Variants in ROBO2 observed in about 807,000 individuals in gnomAD.
ROBO2 encodes roundabout guidance receptor 2.
Under a neutral mutation model 160.8 loss-of-function variants are expected in ROBO2, and 53 were observed. The ratio of observed to expected loss-of-function variants is 0.33; its 90% confidence interval spans 0.26 to 0.41. The LOEUF (loss-of-function observed/expected upper bound fraction) is 0.41. Ranked by LOEUF, ROBO2 falls within the 10% of genes least tolerant of loss-of-function variation. The probability of loss-of-function intolerance (pLI) is 1.00; values close to 1 mark genes in which losing one functional copy is unlikely to be tolerated. For synonymous variants in ROBO2, 664 were observed against 611.7 expected, an observed-to-expected ratio of 1.09 and a Z score of -1.26; for missense variants, 1,577 against 1,722.4, an observed-to-expected ratio of 0.92 and a Z score of 1.49.
chr3:75,950,528 A>G (rs532713978), intron 2 of ROBO2, among the ~76,000 whole-genome samples: 1 of 152,226 alleles, frequency 6.6e-6, no homozygotes, highest in East Asian at 1.9e-4. Context: ...GACCCACTCC[A>G]TTATATAGAA....
chr3:76,605,028 T>C (rs1341851169), intron 2 of ROBO2, among the ~76,000 whole-genome samples: 1 of 152,166 alleles, frequency 6.6e-6, no homozygotes, highest in African/African-American at 2.4e-5. Context: ...TGTAATTTCA[T>C]GTATATATTA....
intron 2 of ROBO2, among the ~76,000 whole-genome samples, chr3:76,830,528 A>G (rs2066990518): frequency 6.6e-6 from 1 of 152,092 alleles, no homozygotes; most frequent in Non-Finnish European, 1.5e-5. Flanking sequence ...AAACTATATT[A>G]TTTTTAGTGT....
At chr3:77,123,059 T>G (rs2150283837) in intron 2 of ROBO2, among the ~76,000 whole-genome samples, 1 of 152,256 alleles carries the variant, frequency 6.6e-6, no homozygotes, top group South Asian at 2.1e-4. Flanking sequence ...AAAGACAAGT[T>G]TAGGATCTGA....
At chr3:76,126,869 T>C (rs542654351) in intron 2 of ROBO2, among the ~76,000 whole-genome samples, 1 of 152,144 alleles carries the variant, frequency 6.6e-6, no homozygotes, top group Non-Finnish European at 1.5e-5. Context: ...AGCATATTAA[T>C]TTCTATTAAT....
At chr3:76,130,389 T>A (rs193078897) in intron 2 of ROBO2, among the ~76,000 whole-genome samples, 1 of 152,102 alleles carries the variant, frequency 6.6e-6, no homozygotes, top group Non-Finnish European at 1.5e-5. Flanking sequence ...AAAAGGAAAA[T>A]ATTTCTCCAT....
chr3:76,504,317 C>G (rs1014524960), intron 2 of ROBO2, among the ~76,000 whole-genome samples: 3 of 152,076 alleles, frequency 2.0e-5, no homozygotes, highest in Non-Finnish European at 4.4e-5. Flanking sequence ...AAAAGCCATA[C>G]GTTTGTTTAG....
At chr3:77,635,006 A>G in exon 24 of ROBO2, 3 of 1,614,108 alleles carry the variant, frequency 1.9e-6, no homozygotes, top group African/African-American at 1.3e-5. Flanking sequence ...TGGACCAACA[A>G]CCAGCATTGC....
At chr3:76,038,475 G>A (rs1345690458) in intron 2 of ROBO2, among the ~76,000 whole-genome samples, 1 of 151,900 alleles carries the variant, frequency 6.6e-6, no homozygotes, top group Non-Finnish European at 1.5e-5. Context: ...CCTCTTAAGG[G>A]TGGCCTCAAC....
intron 2 of ROBO2, among the ~76,000 whole-genome samples, chr3:76,428,507 AAGG>A (rs1035054747): frequency 1.3e-5 from 2 of 151,238 alleles, no homozygotes; most frequent in African/African-American, 4.9e-5. Context: ...TCACTGATAA[AAGG>A]AGAGAAAAAA....
intron 2 of ROBO2, among the ~76,000 whole-genome samples, chr3:76,122,662 A>G (rs1018687599): frequency 6.6e-6 from 1 of 152,116 alleles, no homozygotes; most frequent in Non-Finnish European, 1.5e-5. Context: ...TAAGTCTTCT[A>G]AGTCCTTACT....
chr3:76,176,503 A>T (rs896590325), intron 2 of ROBO2, among the ~76,000 whole-genome samples: 1 of 152,124 alleles, frequency 6.6e-6, no homozygotes, highest in African/African-American at 2.4e-5. Context: ...AGAATACAGA[A>T]TGGTACACTT....
chr3:77,016,165 A>G (rs897323449), intron 2 of ROBO2, among the ~76,000 whole-genome samples: 1 of 151,920 alleles, frequency 6.6e-6, no homozygotes, highest in African/African-American at 2.4e-5. Flanking sequence ...TTTAGTAGAG[A>G]CGGGGTTTCA....
At chr3:76,759,633 A>T (rs1056739309) in intron 2 of ROBO2, among the ~76,000 whole-genome samples, 1 of 150,908 alleles carries the variant, frequency 6.6e-6, no homozygotes, top group African/African-American at 2.5e-5. Context: ...CATAAAAAGT[A>T]CATGGAATTT....
At chr3:77,219,459 T>TATAA (rs2085456787) in intron 2 of ROBO2, among the ~76,000 whole-genome samples, 1 of 116,082 alleles carries the variant, frequency 8.6e-6, no homozygotes. Context: ...TATATATATA[T>TATAA]GTATCTGTGT....
chr3:76,946,565 G>T (rs1307729598), intron 2 of ROBO2, among the ~76,000 whole-genome samples: 1 of 152,162 alleles, frequency 6.6e-6, no homozygotes, highest in East Asian at 1.9e-4. Flanking sequence ...AGCCTCCGGA[G>T]TAGCTGGGAT....
At chr3:77,175,522 C>T (rs1393778829) in intron 2 of ROBO2, among the ~76,000 whole-genome samples, 5 of 151,856 alleles carry the variant, frequency 3.3e-5, no homozygotes, top group Non-Finnish European at 4.4e-5. Flanking sequence ...GTTGGATCTA[C>T]GTGTTAGCAA....
intron 2 of ROBO2, among the ~76,000 whole-genome samples, chr3:76,086,750 TTTTA>T (rs1320569512): frequency 6.6e-6 from 1 of 152,164 alleles, no homozygotes; most frequent in Non-Finnish European, 1.5e-5. Context: ...ACAAGAAATT[TTTTA>T]TTTAGTAACT....
intron 2 of ROBO2, among the ~76,000 whole-genome samples, chr3:77,170,043 G>A (rs186298372): frequency 6.6e-6 from 1 of 152,304 alleles, no homozygotes; most frequent in Non-Finnish European, 1.5e-5. Flanking sequence ...CAGCAAGTGA[G>A]TGTTCCGGCA....
chr3:77,340,241 T>C (rs1294395035), intron 2 of ROBO2, among the ~76,000 whole-genome samples: 1 of 152,086 alleles, frequency 6.6e-6, no homozygotes, highest in Non-Finnish European at 1.5e-5. Flanking sequence ...ATGCCTCCAG[T>C]TGGGTTTGCA....
Sources: gnomAD v4.1 joint callset for allele counts (sites outside exome capture counted in the v4.1 genomes callset) on GRCh38, gnomAD v4.1.1 for gene constraint, MANE v1.5 for transcripts, NCBI Gene and HGNC (gene_info 2026-07-23, HGNC 2026-07-21) for gene names.